JARID2: variants seen among roughly 807,000 people sequenced by gnomAD.
JARID2 encodes the protein jumonji and AT-rich interaction domain containing 2.
JARID2 carries 21 observed loss-of-function variants against 125.6 expected under a neutral mutation model. The observed-to-expected ratio is 0.17, with a 90% confidence interval of 0.12 to 0.24. The LOEUF (loss-of-function observed/expected upper bound fraction) is 0.24, where lower values mean the gene tolerates loss of function less well. Among genes scored for constraint, JARID2 ranks in the 10% least tolerant of loss-of-function variants. The pLI is 1.00. For synonymous variants in JARID2, 736 were observed against 661.6 expected, an observed-to-expected ratio of 1.11 and a Z score of -1.73; for missense variants, 1,303 against 1,639.6, an observed-to-expected ratio of 0.79 and a Z score of 3.55.
At chr6:15,288,394 G>A (rs1484471378) in intron 1 of JARID2, among the ~76,000 whole-genome samples, 1 of 152,172 alleles carries the variant, frequency 6.6e-6, no homozygotes, top group Non-Finnish European at 1.5e-5. Flanking sequence ...ACAGCACCAA[G>A]CCATGAGGGA....
chr6:15,475,981 G>A (rs1019271047), intron 5 of JARID2, among the ~76,000 whole-genome samples: 8 of 152,146 alleles, frequency 5.3e-5, no homozygotes, highest in African/African-American at 1.9e-4. Context: ...AAAGGGGAGA[G>A]CAAGCTGGTT....
intron 1 of JARID2, among the ~76,000 whole-genome samples, chr6:15,348,781 T>C (rs1364490088): frequency 6.6e-6 from 1 of 152,250 alleles, no homozygotes; most frequent in Non-Finnish European, 1.5e-5. Flanking sequence ...ACAGGAGAAC[T>C]AGCGTGGGGA....
At chr6:15,429,239 A>G (rs1386285594) in intron 3 of JARID2, among the ~76,000 whole-genome samples, 2 of 151,524 alleles carry the variant, frequency 1.3e-5, no homozygotes, top group African/African-American at 4.8e-5. Context: ...TAAACCAACT[A>G]TTAGGAAAAG....
intron 1 of JARID2, among the ~76,000 whole-genome samples, chr6:15,364,675 A>T (rs1162033738): frequency 6.6e-6 from 1 of 152,228 alleles, no homozygotes; most frequent in Non-Finnish European, 1.5e-5. Context: ...ATGGAGTAAC[A>T]CATAAGGCAC....
chr6:15,294,634 C>G (rs1331432797), intron 1 of JARID2, among the ~76,000 whole-genome samples: 2 of 152,138 alleles, frequency 1.3e-5, no homozygotes, highest in Non-Finnish European at 2.9e-5. Flanking sequence ...TACAGATTTG[C>G]TGGAGTGGGG....
intron 1 of JARID2, among the ~76,000 whole-genome samples, chr6:15,360,459 A>T (rs1290460721): frequency 6.6e-6 from 1 of 152,126 alleles, no homozygotes; most frequent in Non-Finnish European, 1.5e-5. Context: ...CTGGGATTAC[A>T]GGAGTGAGCC....
Position 15,520,826 on chromosome 6 carries a change from G to A in JARID2, c.*575G>A, listed in dbSNP as rs1337612217. ...CTGGGCGGTTGTGGCAGCTGAAGGCGGACGTTGTTTCCTAACCATAGGTGG... is the reference window on the plus strand; with the variant it reads ...CTGGGCGGTTGTGGCAGCTGAAGGCAGACGTTGTTTCCTAACCATAGGTGG... On this transcript the variant is annotated 3_prime_UTR_variant, in exon 18 of 18. Transcript: ENST00000341776. 8 of 455,898 alleles carry A rather than the reference G, an allele frequency of 1.8e-5. No homozygotes were observed. Among genetic ancestry groups the A allele is most frequent in the East Asian group, 7.0e-5 (1 of 14,386 alleles). The allele number at this position is 455,898 out of a possible 1,614,324, so 28.2% of individuals were successfully genotyped here.
At chr6:15,503,120 G>T (rs1050547014) in intron 8 of JARID2, among the ~76,000 whole-genome samples, 3 of 152,088 alleles carry the variant, frequency 2.0e-5, no homozygotes, top group Admixed American at 6.5e-5. Flanking sequence ...GTGGAGCTCT[G>T]CGTGGTGGCC....
chr6:15,379,655 T>C (rs932069745), intron 2 of JARID2, among the ~76,000 whole-genome samples: 5 of 152,228 alleles, frequency 3.3e-5, no homozygotes, highest in African/African-American at 9.6e-5. Flanking sequence ...GGGCAGTAGT[T>C]GTGATGGCTA....
intron 3 of JARID2, among the ~76,000 whole-genome samples, chr6:15,421,114 T>C (rs1190033849): frequency 6.6e-6 from 1 of 152,114 alleles, no homozygotes; most frequent in Non-Finnish European, 1.5e-5. Flanking sequence ...CAACCCCGGC[T>C]CTGCTTGCCC....
At chr6:15,358,422 A>G (rs778549467) in intron 1 of JARID2, among the ~76,000 whole-genome samples, 3 of 152,218 alleles carry the variant, frequency 2.0e-5, no homozygotes, top group African/African-American at 4.8e-5. Flanking sequence ...CGATACTGGT[A>G]CTAACACACT....
intron 1 of JARID2, among the ~76,000 whole-genome samples, chr6:15,332,616 G>T (rs918401005): frequency 2.0e-5 from 3 of 152,178 alleles, no homozygotes; most frequent in African/African-American, 7.2e-5. Context: ...TTGGCTTGCA[G>T]CTGTGGTGGG....
At chr6:15,497,941 A>C (rs1205262861) in intron 7 of JARID2, among the ~76,000 whole-genome samples, 1 of 152,058 alleles carries the variant, frequency 6.6e-6, no homozygotes, top group Non-Finnish European at 1.5e-5. Context: ...TCCTACCTCT[A>C]TGTGTGTCTG....
At chr6:15,484,990 C>T (rs1462960095) in intron 5 of JARID2, among the ~76,000 whole-genome samples, 3 of 152,158 alleles carry the variant, frequency 2.0e-5, no homozygotes, top group Non-Finnish European at 4.4e-5. Flanking sequence ...TGACTTCTTA[C>T]GGATGTTGCT....
intron 4 of JARID2, among the ~76,000 whole-genome samples, chr6:15,462,702 A>G (rs906836399): frequency 6.6e-6 from 1 of 152,234 alleles, no homozygotes; most frequent in Non-Finnish European, 1.5e-5. Flanking sequence ...GCTAAATGAC[A>G]GTGCACAGGG....
rs753950992 is a variant in JARID2, at chr6:15,496,517, T to A, written c.1292T>A (p.Leu431Gln). Reference sequence around the variant, plus strand: ...GGGGGGCGGCAGCTGCGGGAGGGCCTGCAGCTGCGGGAGGGGCTGCGGAAC... The same window carrying A: ...GGGGGGCGGCAGCTGCGGGAGGGCCAGCAGCTGCGGGAGGGGCTGCGGAAC... ...EVGGRQLREGLQLREGLRNSK... is the reference protein window; with the variant it reads ...EVGGRQLREGQQLREGLRNSK... Residue 431 changes from leucine (L) to glutamine (Q), a missense_variant, in exon 7 of 18, where the codon CTG (leucine) becomes CAG (glutamine). By Grantham distance (113) the Leu-to-Gln change is moderately radical (BLOSUM62 -2). Coordinates refer to ENST00000341776, the MANE Select transcript of JARID2 (RefSeq NM_004973.4). 1.2e-6 allele frequency: 2 copies of A among 1,601,986 alleles called. No individual in the cohort carries two copies. Among genetic ancestry groups the A allele is most frequent in the Admixed American group, 1.7e-5 (1 of 59,300 alleles).
intron 16 of JARID2, among the ~76,000 whole-genome samples, chr6:15,513,967 G>A: frequency 6.6e-6 from 1 of 152,212 alleles, no homozygotes; most frequent in East Asian, 1.9e-4. Context: ...TCCCATCTGG[G>A]ATCAGAGATG....
chr6:15,346,496 G>T (rs1422614695), intron 1 of JARID2, among the ~76,000 whole-genome samples: 1 of 152,010 alleles, frequency 6.6e-6, no homozygotes, highest in African/African-American at 2.4e-5. Context: ...TGATTTTCTG[G>T]GTTTGCAGGG....
chr6:15,373,704 C>T (rs779517475), intron 1 of JARID2, among the ~76,000 whole-genome samples: 1 of 152,168 alleles, frequency 6.6e-6, no homozygotes, highest in Admixed American at 6.5e-5. Context: ...TTAAGAGCTC[C>T]GTACATATTT....
Sources: gnomAD v4.1 joint callset for allele counts (sites outside exome capture counted in the v4.1 genomes callset) on GRCh38, gnomAD v4.1.1 for gene constraint, MANE v1.5 for transcripts, NCBI Gene and HGNC (gene_info 2026-07-23, HGNC 2026-07-21) for gene names.